FRMD3: variants seen among roughly 807,000 people sequenced by gnomAD.
FRMD3 encodes FERM domain-containing protein 3.
In FRMD3, 33 loss-of-function variants were observed where a neutral mutation model predicts 70.2. The observed-to-expected ratio is 0.47, with a 90% CI of 0.36 to 0.63. FRMD3 has a LOEUF of 0.63. FRMD3 is among the 20% of genes least tolerant of loss of function. The pLI is 0.00. For synonymous variants in FRMD3, 279 were observed against 255.9 expected (o/e 1.09, Z -0.86); for missense variants, 632 against 711.4 (o/e 0.89, Z 1.27).
intron 2 of FRMD3, among the ~76,000 whole-genome samples, chr9:83,378,749 A>C (rs1432837732): frequency 8.0e-6 from 1 of 124,558 alleles, no homozygotes; most frequent in Non-Finnish European, 1.6e-5. Context: ...TATATTATAT[A>C]TAATATATAA....
intron 4 of FRMD3, 49 bp from the exon 5 acceptor site, chr9:83,343,336 G>T (rs1476499494): frequency 1.6e-6 from 2 of 1,273,484 alleles, no homozygotes; most frequent in Non-Finnish European, 2.3e-6. Context: ...GCTGAAGTCT[G>T]GAAGAAGTAG....
intron 1 of FRMD3, among the ~76,000 whole-genome samples, chr9:83,494,501 C>T (rs1453995778): frequency 6.6e-6 from 1 of 152,176 alleles, no homozygotes; most frequent in Middle Eastern, 3.2e-3. Context: ...CCTGGAAACC[C>T]ACCCCATCTG....
intron 1 of FRMD3, among the ~76,000 whole-genome samples, chr9:83,507,736 A>ATCTATCTATCTATCTATC (rs1334522690): frequency 4.5e-5 from 4 of 88,700 alleles, no homozygotes; most frequent in Non-Finnish European, 9.5e-5. Flanking sequence ...ATATATATAT[A>ATCTATCTATCTATCTATC]TATCTTCTGG....
chr9:83,554,601 T>C, the FRMD3 span, among the ~76,000 whole-genome samples: 1 of 152,236 alleles, frequency 6.6e-6, no homozygotes, highest in African/African-American at 2.4e-5. Context: ...CCTCCTCTTC[T>C]TGGGTCGATT....
intron 1 of FRMD3, among the ~76,000 whole-genome samples, chr9:83,452,491 GTTT>G (rs1554707460): frequency 6.6e-6 from 1 of 151,576 alleles, no homozygotes; most frequent in Non-Finnish European, 1.5e-5. Flanking sequence ...TGTTGTTGTT[GTTT>G]TTTTTGAGAC....
At chr9:83,318,035 C>A (rs556276098) in intron 6 of FRMD3, among the ~76,000 whole-genome samples, 4 of 152,174 alleles carry the variant, frequency 2.6e-5, no homozygotes, top group African/African-American at 4.8e-5. Flanking sequence ...CCAAATAGGA[C>A]GTCTAACTAG....
the FRMD3 span, among the ~76,000 whole-genome samples, chr9:83,544,148 C>T: frequency 1.3e-4 from 20 of 152,176 alleles, no homozygotes; most frequent in African/African-American, 4.8e-4. Flanking sequence ...ACACCAAAGC[C>T]ATTTCAGCAG....
chr9:83,267,054 GA>G, intron 13 of FRMD3: 2 of 1,550,896 alleles, frequency 1.3e-6, no homozygotes, highest in Non-Finnish European at 8.7e-7. Flanking sequence ...CTCAGCAGAC[GA>G]ACAAACACAT....
intron 1 of FRMD3, among the ~76,000 whole-genome samples, chr9:83,413,351 T>A (rs936550219): frequency 6.6e-6 from 1 of 152,204 alleles, no homozygotes; most frequent in African/African-American, 2.4e-5. Context: ...GAAGGTCCTG[T>A]CAGTGGGGCA....
intron 4 of FRMD3, among the ~76,000 whole-genome samples, chr9:83,346,167 A>G (rs1823952929): frequency 6.7e-6 from 1 of 148,750 alleles, no homozygotes; most frequent in Non-Finnish European, 1.5e-5. Flanking sequence ...GAGGCAGGAA[A>G]ATTGCTTGAA....
At chr9:83,483,214 G>C (rs755586923) in intron 1 of FRMD3, among the ~76,000 whole-genome samples, 8 of 152,186 alleles carry the variant, frequency 5.3e-5, no homozygotes, top group Non-Finnish European at 8.8e-5. Context: ...ATTGTGTAGC[G>C]CTTCCCCCTT....
chr9:83,288,356 G>A (rs977735255), intron 13 of FRMD3, among the ~76,000 whole-genome samples: 6 of 152,116 alleles, frequency 3.9e-5, no homozygotes, highest in Non-Finnish European at 8.8e-5. Context: ...GATATCATAC[G>A]GTACCTAAGA....
chr9:83,518,491 G>T (rs1469650053), intron 1 of FRMD3, among the ~76,000 whole-genome samples: 1 of 152,098 alleles, frequency 6.6e-6, no homozygotes, highest in Non-Finnish European at 1.5e-5. Flanking sequence ...AATAAGAGAG[G>T]ACACAAACAA....
At position 83,370,683 on chromosome 9, in the gene FRMD3, A is replaced by C. The variant is rs143923705; in HGVS notation, c.295+2230T>G. Among the ~76,000 whole-genome samples the C allele has an allele frequency of 8.0e-3, 1,226 of 152,310 alleles. 18 individuals are homozygous for C. Among genetic ancestry groups the C allele is most frequent in the African/African-American group, 0.028 (1,183 of 41,572 alleles). ...TCCCAACACTTTGGGAGGCAGAGGC[A>C]GGCAGATCACCTAAGATCAGAAGTT... is the stretch of plus-strand genomic sequence containing the variant. On this transcript the variant is annotated intron_variant, in intron 3 of 13. Coordinates refer to ENST00000304195, the MANE Select transcript of FRMD3 (RefSeq NM_174938.6).
the FRMD3 span, among the ~76,000 whole-genome samples, chr9:83,559,914 CTA>C: frequency 2.6e-5 from 4 of 151,764 alleles, no homozygotes; most frequent in Non-Finnish European, 4.4e-5. Context: ...TATATTTTAT[CTA>C]TCTTATTATA....
chr9:83,562,426 C>T, the FRMD3 span, among the ~76,000 whole-genome samples: 1 of 152,184 alleles, frequency 6.6e-6, no homozygotes, highest in Non-Finnish European at 1.5e-5. Flanking sequence ...CTTGAACATG[C>T]AGTCAGCAAG....
intron 1 of FRMD3, among the ~76,000 whole-genome samples, chr9:83,423,891 G>A (rs757487217): frequency 7.9e-5 from 12 of 151,722 alleles, no homozygotes; most frequent in Non-Finnish European, 1.6e-4. Flanking sequence ...CCGCGGCCCC[G>A]AGCTCTGCTA....
chr9:83,567,236 C>A, the FRMD3 span, among the ~76,000 whole-genome samples: 2 of 152,182 alleles, frequency 1.3e-5, no homozygotes, highest in Non-Finnish European at 2.9e-5. Context: ...AAATGTTGGC[C>A]CCTTTCAGCC....
At chr9:83,383,409 T>C (rs1825417253) in intron 2 of FRMD3, among the ~76,000 whole-genome samples, 1 of 152,256 alleles carries the variant, frequency 6.6e-6, no homozygotes, top group African/African-American at 2.4e-5. Context: ...AGACAACTAC[T>C]ACTGAACCTT....
Sources: gnomAD v4.1 joint callset for allele counts (sites outside exome capture counted in the v4.1 genomes callset) on GRCh38, gnomAD v4.1.1 for gene constraint, MANE v1.5 for transcripts, NCBI Gene and HGNC (gene_info 2026-07-23, HGNC 2026-07-21) for gene names.